Variants in SPATA17 observed in about 807,000 individuals in gnomAD.
SPATA17 encodes spermatogenesis-associated protein 17.
Under a neutral mutation model 62.2 loss-of-function variants are expected in SPATA17, and 53 were observed. The observed-to-expected ratio is 0.85, with a 90% CI of 0.68 to 1.07. The LOEUF (loss-of-function observed/expected upper bound fraction) is 1.07. Ranked by LOEUF, SPATA17 falls within the 50% of genes least tolerant of loss-of-function variation. The pLI is 0.00. For synonymous variants in SPATA17, 146 were observed against 146.8 expected (o/e 0.99, Z 0.04); for missense variants, 466 against 425.5 (o/e 1.10, Z -0.84).
intron 9 of SPATA17, among the ~76,000 whole-genome samples, chr1:217,815,598 T>A (rs570874141): frequency 6.6e-6 from 1 of 152,342 alleles, no homozygotes; most frequent in Admixed American, 6.5e-5. Context: ...AATGGAACAC[T>A]GTCTAGGTGA....
chr1:217,705,109 G>A (rs979530791), intron 5 of SPATA17, among the ~76,000 whole-genome samples: 2 of 152,142 alleles, frequency 1.3e-5, no homozygotes, highest in African/African-American at 4.8e-5. Flanking sequence ...ATTGGTGTGA[G>A]ATAGTATCTA....
intron 9 of SPATA17, among the ~76,000 whole-genome samples, chr1:217,858,831 C>A (rs946486741): frequency 6.6e-6 from 1 of 151,942 alleles, no homozygotes; most frequent in Admixed American, 6.6e-5. Flanking sequence ...AGTTCGAGAC[C>A]AGCCTGGCCA....
intron 9 of SPATA17, among the ~76,000 whole-genome samples, chr1:217,809,599 G>A (rs1674534127): frequency 2.0e-5 from 3 of 151,998 alleles, no homozygotes; most frequent in African/African-American, 7.3e-5. Flanking sequence ...AACCCTTGAG[G>A]GAATGAATCC....
At chr1:217,659,193 C>T (rs921586527) in intron 3 of SPATA17, among the ~76,000 whole-genome samples, 7 of 115,636 alleles carry the variant, frequency 6.1e-5, no homozygotes, top group African/African-American at 2.0e-4. Context: ...TCAAAACACA[C>T]ACACACACAC....
chr1:217,638,230 A>G (rs1669981890), intron 1 of SPATA17, among the ~76,000 whole-genome samples: 3 of 152,164 alleles, frequency 2.0e-5, no homozygotes. Flanking sequence ...ACAACTCAGT[A>G]ATTTTCCATA....
intron 5 of SPATA17, among the ~76,000 whole-genome samples, chr1:217,707,510 C>T (rs1186976536): frequency 2.0e-5 from 3 of 152,118 alleles, no homozygotes; most frequent in Non-Finnish European, 2.9e-5. Flanking sequence ...TTCTATTTCT[C>T]AAGGGGAATT....
chr1:217,641,808 A>G (rs1228480029), intron 1 of SPATA17, among the ~76,000 whole-genome samples: 1 of 152,192 alleles, frequency 6.6e-6, no homozygotes, highest in Admixed American at 6.5e-5. Context: ...ATCAAAATCA[A>G]GAAATTAACA....
chr1:217,759,733 A>G (rs1380221024), intron 6 of SPATA17, among the ~76,000 whole-genome samples: 2 of 152,210 alleles, frequency 1.3e-5, no homozygotes, highest in Non-Finnish European at 2.9e-5. Flanking sequence ...CAAGGAAATC[A>G]GAAGTCTTCA....
chr1:217,749,227 A>G (rs1254421555), intron 6 of SPATA17, among the ~76,000 whole-genome samples: 2 of 152,166 alleles, frequency 1.3e-5, no homozygotes, highest in Non-Finnish European at 2.9e-5. Flanking sequence ...TTCTGACTTG[A>G]AAAACATTGA....
chr1:217,681,966 C>T (rs1203908409), intron 4 of SPATA17, among the ~76,000 whole-genome samples: 1 of 151,310 alleles, frequency 6.6e-6, no homozygotes, highest in Non-Finnish European at 1.5e-5. Flanking sequence ...CGTGTGTTCT[C>T]TTAGCCTAGC....
At chr1:217,650,854 G>A (rs967908312) in intron 2 of SPATA17, among the ~76,000 whole-genome samples, 3 of 152,202 alleles carry the variant, frequency 2.0e-5, no homozygotes, top group Admixed American at 6.5e-5. Flanking sequence ...TATTGAAGAA[G>A]AATTGAAATT....
intron 5 of SPATA17, among the ~76,000 whole-genome samples, chr1:217,703,065 G>C (rs1213705331): frequency 6.6e-6 from 1 of 151,750 alleles, no homozygotes; most frequent in Non-Finnish European, 1.5e-5. Flanking sequence ...TAGTAGAAAC[G>C]GGGCTTCACC....
chr1:217,645,699 C>A (rs1319206796), intron 1 of SPATA17, among the ~76,000 whole-genome samples: 1 of 152,122 alleles, frequency 6.6e-6, no homozygotes, highest in Non-Finnish European at 1.5e-5. Flanking sequence ...GAGTTGCCTG[C>A]TCTACTGGAC....
chr1:217,831,503 C>T (rs1675140977), intron 9 of SPATA17, among the ~76,000 whole-genome samples: 1 of 152,082 alleles, frequency 6.6e-6, no homozygotes, highest in Admixed American at 6.6e-5. Flanking sequence ...TTAGGAATGC[C>T]TCTCCTAACT....
rs2102919720 is a variant in SPATA17, at chr1:217,701,588, T to C, written c.395+18227T>C. 1.3e-5 allele frequency among the ~76,000 whole-genome samples: 2 copies of C among 151,886 alleles called. 1 individual carries two copies. Among genetic ancestry groups the C allele is most frequent in the South Asian group, 4.2e-4 (2 of 4,802 alleles). On this transcript the variant is annotated intron_variant, in intron 5 of 10. Coordinates refer to ENST00000366933, the MANE Select transcript of SPATA17 (RefSeq NM_138796.4). The stretch of plus-strand genomic sequence containing the variant: ...TTTTAGTAGAGACGGGGTTTCGCCA[T>C]GTTGGACAGGCTGGTCTTGAACTCC...
intron 9 of SPATA17, among the ~76,000 whole-genome samples, chr1:217,810,260 A>G (rs986460799): frequency 1.3e-5 from 2 of 152,176 alleles, no homozygotes; most frequent in Non-Finnish European, 2.9e-5. Flanking sequence ...TTTATTTTAG[A>G]GGAATAATTA....
At chr1:217,701,505 T>A (rs937188662) in intron 5 of SPATA17, among the ~76,000 whole-genome samples, 19 of 151,722 alleles carry the variant, frequency 1.3e-4, no homozygotes, top group African/African-American at 4.4e-4. Context: ...CCTGCCTCAA[T>A]CTCCCAAGTT....
intron 2 of SPATA17, among the ~76,000 whole-genome samples, chr1:217,649,226 C>A (rs576150758): frequency 6.6e-6 from 1 of 152,212 alleles, no homozygotes; most frequent in Non-Finnish European, 1.5e-5. Flanking sequence ...CTCCTGTAAT[C>A]CCAGCACTTT....
intron 10 of SPATA17, among the ~76,000 whole-genome samples, chr1:217,863,945 T>C (rs1217488188): frequency 6.6e-6 from 1 of 152,166 alleles, no homozygotes; most frequent in African/African-American, 2.4e-5. Context: ...ACAGGGTAGA[T>C]TCCAGGCAAA....
Sources: allele counts gnomAD v4.1 joint callset (sites outside exome capture counted in the v4.1 genomes callset), GRCh38; gene constraint gnomAD v4.1.1; transcripts MANE v1.5; gene names NCBI Gene and HGNC (gene_info 2026-07-23, HGNC 2026-07-21).